The following ANK2 variants were observed in gnomAD, a reference collection of about 807,000 sequenced individuals.
The protein encoded by ANK2 is ankyrin 2.
ANK2 carries 83 observed loss-of-function variants against 360.5 expected under a neutral mutation model. The ratio of observed to expected loss-of-function variants is 0.23; its 90% CI spans 0.19 to 0.28. The LOEUF (loss-of-function observed/expected upper bound fraction) is 0.28. Ranked by LOEUF, ANK2 falls within the 10% of genes least tolerant of loss-of-function variation. ANK2 has a pLI of 1.00. For missense variants in ANK2, 4,201 were observed against 4,795.7 expected (o/e 0.88, Z 3.66); for synonymous variants, 1,740 against 1,759.5 (o/e 0.99, Z 0.28).
At chr4:113,310,237 T>C (rs1213529413) in intron 23 of ANK2, among the ~76,000 whole-genome samples, 1 of 152,146 alleles carries the variant, frequency 6.6e-6, no homozygotes, top group South Asian at 2.1e-4. Flanking sequence ...CCTGTGACCA[T>C]CTTGGCTGCT....
intron 2 of ANK2, among the ~76,000 whole-genome samples, chr4:112,906,899 C>T (rs2085427767): frequency 6.6e-6 from 1 of 152,110 alleles, no homozygotes; most frequent in Non-Finnish European, 1.5e-5. Flanking sequence ...ATGAATATTA[C>T]TCTCTAAAAA....
At chr4:113,028,465 T>C in intron 2 of ANK2, among the ~76,000 whole-genome samples, 1 of 152,132 alleles carries the variant, frequency 6.6e-6, no homozygotes. Flanking sequence ...TACGCAAAGG[T>C]GACTGTTTCA....
At chr4:113,225,231 T>C (rs2099203044) in intron 4 of ANK2, among the ~76,000 whole-genome samples, 1 of 152,200 alleles carries the variant, frequency 6.6e-6, no homozygotes, top group African/African-American at 2.4e-5. Flanking sequence ...AGTTAATTGC[T>C]CAGTCTTTAG....
intron 1 of ANK2, among the ~76,000 whole-genome samples, chr4:112,888,155 A>G (rs911849906): frequency 6.6e-6 from 1 of 152,174 alleles, no homozygotes; most frequent in African/African-American, 2.4e-5. Context: ...CTATTTATAT[A>G]TATCATATTG....
intron 4 of ANK2, among the ~76,000 whole-genome samples, chr4:113,211,995 C>A (rs1263858583): frequency 6.6e-6 from 1 of 152,040 alleles, no homozygotes; most frequent in Non-Finnish European, 1.5e-5. Context: ...ATGGAGTTCT[C>A]CAGTTATATA....
At chr4:112,988,360 T>A (rs796647107) in intron 2 of ANK2, among the ~76,000 whole-genome samples, 1 of 152,334 alleles carries the variant, frequency 6.6e-6, no homozygotes, top group African/African-American at 2.4e-5. Flanking sequence ...GGCTGAAGTA[T>A]CTTGAATGAG....
rs2272230 is a variant in ANK2 at position 113,339,382 on chromosome 4, C to T, written c.3893+60C>T. 160,347 of 1,337,118 alleles carry T rather than the reference C, an allele frequency of 0.12. 14,857 individuals are homozygous for T. Among genetic ancestry groups the T allele is most frequent in the African/African-American group, 0.47 (32,155 of 68,876 alleles). The allele number at this position is 1,337,118 out of a possible 1,614,324, so 82.8% of individuals were successfully genotyped here. On this transcript the variant is annotated intron_variant, in intron 32 of 45. Transcript: ENST00000357077. ...TATGTTACCCTCCAAAAAAACTGCCCTTTGTTTTATTTTGTTTCTTTATTG... is the reference window on the plus strand; with the variant it reads ...TATGTTACCCTCCAAAAAAACTGCCTTTTGTTTTATTTTGTTTCTTTATTG...
chr4:112,776,922 T>G, the ANK2 span, among the ~76,000 whole-genome samples: 1 of 152,150 alleles, frequency 6.6e-6, no homozygotes, highest in South Asian at 2.1e-4. Flanking sequence ...ACCCTCTCTA[T>G]TAACTGAGCA....
chr4:113,081,094 G>A (rs183237872), intron 1 of ANK2, among the ~76,000 whole-genome samples: 3 of 152,142 alleles, frequency 2.0e-5, no homozygotes, highest in Admixed American at 6.5e-5. Flanking sequence ...TCCAGAAATC[G>A]ATCATTTTGT....
At chr4:112,892,149 T>A (rs2080219470) in intron 1 of ANK2, among the ~76,000 whole-genome samples, 1 of 152,036 alleles carries the variant, frequency 6.6e-6, no homozygotes, top group Non-Finnish European at 1.5e-5. Context: ...GAGTTCTAGG[T>A]GGCTCTGGGC....
At position 113,365,680 on chromosome 4, in the gene ANK2, C is replaced by T. The variant is rs539078586; in HGVS notation, c.11032+498C>T. On this transcript the variant is annotated intron_variant, in intron 41 of 45. Coordinates refer to ENST00000357077, the MANE Select transcript of ANK2 (RefSeq NM_001148.6). Reference sequence around the variant, plus strand: ...GGTCTCTAACACTGTTTTTTTTTTTCTCTCTCTCTCTTATCTCTATTTTAC... The same window carrying T: ...GGTCTCTAACACTGTTTTTTTTTTTTTCTCTCTCTCTTATCTCTATTTTAC... 1.7e-3 allele frequency among the ~76,000 whole-genome samples: 236 copies of T among 143,014 alleles called. 1 individual carries two copies. The highest frequency in any genetic ancestry group is 4.5e-3 in the African/African-American group (176 of 39,430). The allele number at this position is 143,014 out of a possible 152,430, so 93.8% of individuals were successfully genotyped here. A position where few individuals can be genotyped will look rare whatever the true frequency, so the allele number is the denominator to read the frequency against.
chr4:113,151,015 A>G, intron 1 of ANK2: 1 of 1,207,764 alleles, frequency 8.3e-7, no homozygotes. Context: ...AAAAAAATGA[A>G]TGAATTAATG....
At chr4:113,223,775 G>A (rs2099180596) in intron 4 of ANK2, among the ~76,000 whole-genome samples, 1 of 152,132 alleles carries the variant, frequency 6.6e-6, no homozygotes, top group African/African-American at 2.4e-5. Flanking sequence ...GATATTATTA[G>A]CTTAAAACAG....
chr4:112,732,394 T>C, the ANK2 span, among the ~76,000 whole-genome samples: 29 of 151,776 alleles, frequency 1.9e-4, no homozygotes, highest in Non-Finnish European at 2.4e-4. Context: ...AGGCACTACA[T>C]TACCATACCC....
chr4:112,879,192 T>A (rs2076050887), intron 1 of ANK2, among the ~76,000 whole-genome samples: 1 of 152,222 alleles, frequency 6.6e-6, no homozygotes, highest in Non-Finnish European at 1.5e-5. Context: ...ATTATTCTCA[T>A]GTGAGTCCCC....
At chr4:113,232,326 G>A in intron 5 of ANK2, 67 bp downstream of exon 5, 1 of 1,192,076 alleles carries the variant, frequency 8.4e-7, no homozygotes, top group Non-Finnish European at 1.2e-6. Context: ...ATATCAGGCT[G>A]CAAATAGTCT....
intron 35 of ANK2, among the ~76,000 whole-genome samples, chr4:113,346,704 A>G (rs1432651282): frequency 3.3e-5 from 5 of 152,202 alleles, no homozygotes; most frequent in Non-Finnish European, 1.5e-5. Flanking sequence ...AAAATAGTTG[A>G]AATAGTTGAT....
chr4:113,107,800 A>G (rs2093817306), intron 1 of ANK2, among the ~76,000 whole-genome samples: 1 of 152,150 alleles, frequency 6.6e-6, no homozygotes, highest in African/African-American at 2.4e-5. Flanking sequence ...TTAGGTAGAT[A>G]TTGTCTTCAT....
intron 1 of ANK2, among the ~76,000 whole-genome samples, chr4:113,135,274 G>A (rs1202408558): frequency 6.6e-6 from 1 of 152,164 alleles, no homozygotes; most frequent in African/African-American, 2.4e-5. Flanking sequence ...GGAGCAGCAA[G>A]TGAGTGTCAT....
Sources: allele counts gnomAD v4.1 joint callset (sites outside exome capture counted in the v4.1 genomes callset), GRCh38; gene constraint gnomAD v4.1.1; transcripts MANE v1.5; gene names NCBI Gene and HGNC (gene_info 2026-07-23, HGNC 2026-07-21).